The following SYT16 variants were observed in gnomAD, a reference collection of about 807,000 sequenced individuals.
The protein encoded by SYT16 is synaptotagmin-16.
A neutral mutation model predicts 61.4 loss-of-function variants in SYT16; 42 were observed. That is an observed-to-expected ratio of 0.68 (90% CI 0.53 to 0.89). The LOEUF (loss-of-function observed/expected upper bound fraction) is 0.89, where lower values mean the gene tolerates loss of function less well. Ranked by LOEUF, SYT16 falls within the 40% of genes least tolerant of loss-of-function variation. The pLI is 0.00. For missense variants in SYT16, 804 were observed against 807.3 expected (o/e 1.00, Z 0.05); for synonymous variants, 314 against 302.3 (o/e 1.04, Z -0.40).
intron 4 of SYT16, 50 bp from the exon 5 acceptor site, chr14:62,075,085 A>C (rs1328907411): frequency 6.5e-7 from 1 of 1,540,658 alleles, no homozygotes. Context: ...TCTAGGTAAA[A>C]AGGTGTTAAA....
chr14:62,070,587 G>C (rs2056261311), intron 4 of SYT16, among the ~76,000 whole-genome samples: 1 of 152,194 alleles, frequency 6.6e-6, no homozygotes, highest in Non-Finnish European at 1.5e-5. Flanking sequence ...AAGTAACCTG[G>C]AGAGAGGGTG....
intron 1 of SYT16, among the ~76,000 whole-genome samples, chr14:61,817,508 G>T (rs1009868960): frequency 6.6e-6 from 1 of 151,882 alleles, no homozygotes; most frequent in African/African-American, 2.4e-5. Context: ...GCCACTTACT[G>T]TGCCACAAAT....
At chr14:61,995,563 A>G (rs927884304) in intron 2 of SYT16, among the ~76,000 whole-genome samples, 2 of 152,074 alleles carry the variant, frequency 1.3e-5, no homozygotes, top group Admixed American at 6.6e-5. Context: ...TGTCATGCCC[A>G]ATTGGATCTT....
chr14:61,832,892 G>C lies in SYT16; in HGVS notation c.-325+20082G>C, dbSNP rs532653224. 3.3e-5 allele frequency among the ~76,000 whole-genome samples: 5 copies of C among 152,110 alleles called. No individual in the cohort carries two copies. The East Asian group carries it at 9.7e-4, about 29-fold the overall frequency. Reference sequence around the variant, plus strand: ...CCAGAGTATCTTATTCCTTCACTATGGTTTCTAAATTATTTTAAAACTTGA... The same window carrying C: ...CCAGAGTATCTTATTCCTTCACTATCGTTTCTAAATTATTTTAAAACTTGA... On this transcript the variant is annotated intron_variant, in intron 1 of 7. Transcript: ENST00000683842.
At chr14:61,953,411 C>G (rs1355013996) in intron 1 of SYT16, among the ~76,000 whole-genome samples, 2 of 152,038 alleles carry the variant, frequency 1.3e-5, no homozygotes, top group Admixed American at 6.6e-5. Flanking sequence ...CTTCAACCTC[C>G]ATATAATGCC....
intron 3 of SYT16, among the ~76,000 whole-genome samples, chr14:62,022,155 C>T (rs1271138310): frequency 6.6e-6 from 1 of 151,944 alleles, no homozygotes; most frequent in East Asian, 1.9e-4. Context: ...TTCCCTTCTA[C>T]ATTTCCATAA....
chr14:62,006,567 C>T (rs1466398558), intron 3 of SYT16, among the ~76,000 whole-genome samples: 1 of 152,100 alleles, frequency 6.6e-6, no homozygotes, highest in African/African-American at 2.4e-5. Flanking sequence ...TGGGCACTTA[C>T]TAAGGACCTG....
chr14:62,083,384 G>A (rs1438309128), intron 6 of SYT16, among the ~76,000 whole-genome samples: 1 of 152,172 alleles, frequency 6.6e-6, no homozygotes, highest in Non-Finnish European at 1.5e-5. Flanking sequence ...CCACAGGGTC[G>A]ATTCCTACTC....
chr14:61,907,196 G>A (rs2023213), intron 1 of SYT16, among the ~76,000 whole-genome samples: 138,451 of 152,258 alleles, frequency 0.91, 63,080 homozygotes, highest in East Asian at 0.98. Context: ...CATGAAAGTG[G>A]CTTTTAAATA....
At chr14:61,877,486 C>A (rs1237963383) in intron 1 of SYT16, among the ~76,000 whole-genome samples, 1 of 152,132 alleles carries the variant, frequency 6.6e-6, no homozygotes. Flanking sequence ...AGACTTACAC[C>A]CAGAAATTCT....
intron 1 of SYT16, among the ~76,000 whole-genome samples, chr14:61,915,653 T>C (rs1188883506): frequency 1.3e-5 from 2 of 152,208 alleles, no homozygotes; most frequent in Non-Finnish European, 2.9e-5. Context: ...GCAATTGTTT[T>C]TGAACAGATT....
At chr14:61,910,903 G>T (rs1045747770) in intron 1 of SYT16, among the ~76,000 whole-genome samples, 1 of 152,170 alleles carries the variant, frequency 6.6e-6, no homozygotes, top group Non-Finnish European at 1.5e-5. Flanking sequence ...TCCCTGCAGG[G>T]TATCAAATGA....
intron 1 of SYT16, among the ~76,000 whole-genome samples, chr14:61,969,399 G>A (rs937833805): frequency 2.6e-5 from 4 of 152,124 alleles, no homozygotes; most frequent in African/African-American, 9.7e-5. Flanking sequence ...GAATGCAATG[G>A]CTGGGACTCT....
At chr14:62,092,393 G>A (rs1036318619) in intron 7 of SYT16, among the ~76,000 whole-genome samples, 1 of 151,986 alleles carries the variant, frequency 6.6e-6, no homozygotes, top group Admixed American at 6.6e-5. Flanking sequence ...TGTACTCCAA[G>A]GAATTGAAAG....
intron 3 of SYT16, among the ~76,000 whole-genome samples, chr14:62,050,879 C>G (rs1224459367): frequency 6.6e-6 from 1 of 152,172 alleles, no homozygotes; most frequent in African/African-American, 2.4e-5. Context: ...TCAGTCCGCC[C>G]CTACTGGGAG....
At chr14:61,900,809 C>G (rs1180304851) in intron 1 of SYT16, among the ~76,000 whole-genome samples, 1 of 152,170 alleles carries the variant, frequency 6.6e-6, no homozygotes, top group Non-Finnish European at 1.5e-5. Flanking sequence ...TATGTACCCA[C>G]CACCTGATCA....
In SYT16 at chr14:61,835,553, C is replaced by T. The variant is rs183751017; in HGVS notation, c.-325+22743C>T. On this transcript the variant is annotated intron_variant, in intron 1 of 7. Coordinates refer to ENST00000683842, the MANE Select transcript of SYT16 (RefSeq NM_001367656.1). ...GATTACAGGCGTGAGCCACTGCGCC[C>T]GGCCAGGTGACTTTTTTTTTTTATG... Among the ~76,000 whole-genome samples, 18 of 151,392 alleles carry T rather than the reference C, an allele frequency of 1.2e-4. No homozygotes were observed. The East Asian group carries it at 3.3e-3, about 28-fold the overall frequency.
At chr14:62,068,940 CT>C (rs1444249617) in intron 3 of SYT16, among the ~76,000 whole-genome samples, 4 of 152,236 alleles carry the variant, frequency 2.6e-5, no homozygotes, top group African/African-American at 9.6e-5. Context: ...GGATTACAGG[CT>C]CCTGACACCG....
chr14:62,012,515 G>T (rs1288431991), intron 3 of SYT16, among the ~76,000 whole-genome samples: 1 of 152,186 alleles, frequency 6.6e-6, no homozygotes, highest in African/African-American at 2.4e-5. Flanking sequence ...ATATTCTACT[G>T]GTTGGAAGCA....
Sources: allele counts gnomAD v4.1 joint callset (sites outside exome capture counted in the v4.1 genomes callset), GRCh38; gene constraint gnomAD v4.1.1; transcripts MANE v1.5; gene names NCBI Gene and HGNC (gene_info 2026-07-23, HGNC 2026-07-21).